RNF14: variants seen among roughly 807,000 people sequenced by gnomAD.
The protein encoded by RNF14 is ring finger protein 14.
In RNF14, 26 loss-of-function variants were observed where a neutral mutation model predicts 52.6. That is an observed-to-expected ratio of 0.49 (90% CI 0.36 to 0.69). RNF14 has a LOEUF of 0.69. RNF14 is among the 30% of genes least tolerant of loss of function. The pLI is 0.00. For missense variants in RNF14, 404 were observed against 560.4 expected (o/e 0.72, Z 2.82); for synonymous variants, 194 against 202.0 (o/e 0.96, Z 0.34).
upstream of RNF14, among the ~76,000 whole-genome samples, chr5:141,961,846 G>A (rs11950914): frequency 2.3e-3 from 353 of 152,250 alleles, 2 homozygotes; most frequent in African/African-American, 8.1e-3. Flanking sequence ...AGGACTCCCA[G>A]GCCAGCTGAA....
upstream of RNF14, chr5:141,955,388 G>A (rs374336198): frequency 1.2e-6 from 2 of 1,613,898 alleles, no homozygotes; most frequent in Non-Finnish European, 1.7e-6. The surrounding 1 kb of genome is among the most constrained non-coding windows in gnomAD (Gnocchi z 5.5). Context: ...GTCCTGTACA[G>A]GGTCGGGGTG....
At chr5:141,983,159 TATGTC>T (rs920417385) in intron 6 of RNF14, among the ~76,000 whole-genome samples, 15 of 152,188 alleles carry the variant, frequency 9.9e-5, no homozygotes, top group Non-Finnish European at 2.1e-4. Context: ...AATTGAATAT[TATGTC>T]ATTAAATGGC....
In RNF14 at chr5:141,978,520, C is replaced by T. The variant is rs1396476214; in HGVS notation, c.524C>T (p.Ser175Phe). The change falls in exon 5 of 9, where the codon TCT (serine) becomes TTT (phenylalanine). Residue 175 changes from serine (S) to phenylalanine (F), a missense_variant. Transcript: ENST00000394520. The stretch of plus-strand genomic sequence containing the variant: ...CTAGATTTTGGAGGAGCTGCTGGAT[C>T]TGATGTAGACCAAGAGGAAATTGTG... ...TELDFGGAAGSDVDQEEIVDE... is the reference protein window; with the variant it reads ...TELDFGGAAGFDVDQEEIVDE... 6 of 1,614,026 alleles carry T rather than the reference C, an allele frequency of 3.7e-6. No individual in the cohort carries two copies. The highest frequency in any genetic ancestry group is 5.1e-6 in the Non-Finnish European group (6 of 1,180,034).
At chr5:141,954,433 A>G (rs750854596), upstream of RNF14, among the ~76,000 whole-genome samples, 1 of 152,228 alleles carries the variant, frequency 6.6e-6, no homozygotes, top group Non-Finnish European at 1.5e-5. Flanking sequence ...TACTGACTAC[A>G]TGTCAGATGG....
chr5:141,978,682 G>C lies in RNF14; in HGVS notation c.686G>C (p.Gly229Ala), dbSNP rs1184449655. 1 of 1,614,010 alleles carries C rather than the reference G, an allele frequency of 6.2e-7. No individual in the cohort carries two copies. The highest frequency in any genetic ancestry group is 8.5e-7 in the Non-Finnish European group (1 of 1,179,878). ...AGTATCTGTTTCTGTGAGAAGCTGGGTAGTGAATGCATGTACTTCTTGGAG... is the reference window on the plus strand; with the variant it reads ...AGTATCTGTTTCTGTGAGAAGCTGGCTAGTGAATGCATGTACTTCTTGGAG... ...LCSICFCEKL[G>A]SECMYFLECR... The change falls in exon 5 of 9, where the codon GGT becomes GCT. Residue 229 changes from glycine (G) to alanine (A), a missense_variant. By Grantham distance (60) the Gly-to-Ala change is moderately conservative (BLOSUM62 0). Transcript: ENST00000394520.
upstream of RNF14, chr5:141,956,942 C>T: frequency 6.2e-6 from 10 of 1,614,138 alleles, no homozygotes; most frequent in South Asian, 2.2e-5. Flanking sequence ...CGCAGAATGA[C>T]CTGGCCTGTC....
upstream of RNF14, among the ~76,000 whole-genome samples, chr5:141,953,843 G>A (rs959830586): frequency 3.9e-5 from 6 of 152,236 alleles, no homozygotes; most frequent in African/African-American, 1.4e-4. Context: ...GAATAGGGAA[G>A]GAAACTGTGT....
At chr5:141,955,149 C>G (rs1479950150), upstream of RNF14, 3 of 1,614,098 alleles carry the variant, frequency 1.9e-6, no homozygotes, top group African/African-American at 4.0e-5. The surrounding 1 kb of genome is among the most constrained non-coding windows in gnomAD (Gnocchi z 5.5). Flanking sequence ...CTGGTGGCCT[C>G]TGTGGGGCTT....
chr5:141,979,084 T>G (rs184303955), intron 5 of RNF14, among the ~76,000 whole-genome samples: 1 of 152,236 alleles, frequency 6.6e-6, no homozygotes, highest in African/African-American at 2.4e-5. Flanking sequence ...TAATTTACTT[T>G]GTATATCTGC....
upstream of RNF14, chr5:141,962,976 C>T (rs1045164750): frequency 6.6e-6 from 1 of 152,206 alleles, no homozygotes; most frequent in Non-Finnish European, 1.5e-5. Flanking sequence ...ATCACCATCC[C>T]CCATTGCAAA....
upstream of RNF14, chr5:141,957,606 C>T (rs1723631629): frequency 6.2e-7 from 1 of 1,614,072 alleles, no homozygotes; most frequent in South Asian, 1.1e-5. This position sits in a 1 kb window ranked among gnomAD's most constrained non-coding sequence, Gnocchi z 4.3. Context: ...GCAAGCCTTC[C>T]TCAGAGTCCA....
At chr5:141,979,798 G>C (rs543835789) in intron 5 of RNF14, among the ~76,000 whole-genome samples, 6 of 152,258 alleles carry the variant, frequency 3.9e-5, no homozygotes, top group Middle Eastern at 3.4e-3. Context: ...AGCTGAGGTA[G>C]AGAATCATTT....
upstream of RNF14, among the ~76,000 whole-genome samples, chr5:141,965,434 G>T (rs1010710473): frequency 6.6e-6 from 1 of 152,204 alleles, no homozygotes; most frequent in Non-Finnish European, 1.5e-5. Context: ...GGGACAGGGG[G>T]TGGGAGTTGG....
At chr5:141,985,304 C>T (rs143126117) in intron 8 of RNF14, among the ~76,000 whole-genome samples, 2,077 of 152,200 alleles carry the variant, frequency 0.014, 19 homozygotes, top group African/African-American at 0.026. Context: ...AATATTTCCA[C>T]GTTTCTCCTA....
At position 141,983,372 on chromosome 5, in the gene RNF14, C is replaced by T. The variant is rs1228967058; in HGVS notation, c.1064-8C>T. 4 of 1,605,936 alleles carry T rather than the reference C, an allele frequency of 2.5e-6. No homozygotes were observed. The highest frequency in any genetic ancestry group is 3.4e-6 in the Non-Finnish European group (4 of 1,177,256). On this transcript the variant is annotated splice_polypyrimidine_tract_variant and splice_region_variant and intron_variant, in intron 6 of 8. Coordinates refer to ENST00000394520, the MANE Select transcript of RNF14 (RefSeq NM_004290.5). ...ATATAAAAGTTAATTTTCCATTTCA[C>T]TTTGTAGAGAAATTAATGGACTTAC...
At chr5:141,973,394 C>T (rs558513087) in intron 2 of RNF14, among the ~76,000 whole-genome samples, 189 bp from the exon 3 acceptor site, 14 of 152,190 alleles carry the variant, frequency 9.2e-5, no homozygotes, top group Admixed American at 2.6e-4. Context: ...CCTGCCACCA[C>T]GCCTGGCTAA....
chr5:141,957,746 C>T (rs770821292), upstream of RNF14: 1 of 1,613,084 alleles, frequency 6.2e-7, no homozygotes, highest in African/African-American at 1.3e-5. This position sits in a 1 kb window ranked among gnomAD's most constrained non-coding sequence, Gnocchi z 4.3. Flanking sequence ...TCCTCTGACA[C>T]TTGGTATTTC....
Position 141,974,753 on chromosome 5 carries a change from ACAC to A in RNF14, c.155-50_155-48del, listed in dbSNP as rs1754095070. 5 of 1,566,664 alleles carry A rather than the reference ACAC, an allele frequency of 3.2e-6. No homozygotes were observed. The South Asian group carries it at 4.5e-5, about 14-fold the overall frequency. ...CTTGAGCGCTGCTCAACAGTAGTGGACACTCAAGTGTTGACCAACTGATCCTTT... is the reference window on the plus strand; with the variant it reads ...CTTGAGCGCTGCTCAACAGTAGTGGATCAAGTGTTGACCAACTGATCCTTT... On this transcript the variant is annotated intron_variant, in intron 3 of 8. Transcript: ENST00000394520.
chr5:141,970,052 G>T (rs1417694245), intron 1 of RNF14, among the ~76,000 whole-genome samples: 1 of 152,158 alleles, frequency 6.6e-6, no homozygotes, highest in Non-Finnish European at 1.5e-5. Flanking sequence ...TATCTCATTT[G>T]GGAGTTACAC....
Sources: allele counts gnomAD v4.1 joint callset (sites outside exome capture counted in the v4.1 genomes callset), GRCh38; gene constraint gnomAD v4.1.1; non-coding constraint Gnocchi (gnomAD v3.1); transcripts MANE v1.5; gene names NCBI Gene and HGNC (gene_info 2026-07-23, HGNC 2026-07-21).